The following SLC9A9 variants were observed in gnomAD, a reference collection of about 807,000 sequenced individuals.
The protein encoded by SLC9A9 is solute carrier family 9 member A9.
SLC9A9 carries 62 observed loss-of-function variants against 77.8 expected under a neutral mutation model. The observed-to-expected ratio is 0.80, with a 90% CI of 0.65 to 0.98. The LOEUF is 0.98. SLC9A9 is among the 50% of genes least tolerant of loss of function. SLC9A9 has a pLI of 0.00. For synonymous variants in SLC9A9, 320 were observed against 283.5 expected, an observed-to-expected ratio of 1.13 and a Z score of -1.29; for missense variants, 775 against 774.9, an observed-to-expected ratio of 1.00 and a Z score of 0.00.
At chr3:143,606,318 T>C in intron 6 of SLC9A9, among the ~76,000 whole-genome samples, 1 of 150,898 alleles carries the variant, frequency 6.6e-6, no homozygotes, top group East Asian at 2.0e-4. Context: ...GGCAGGAGAA[T>C]TGCTGGAACC....
chr3:143,646,379 T>C (rs1481891376), intron 6 of SLC9A9, among the ~76,000 whole-genome samples: 1 of 148,314 alleles, frequency 6.7e-6, no homozygotes, highest in Non-Finnish European at 1.5e-5. Flanking sequence ...TTTAGGTGCA[T>C]TTGCACATAT....
chr3:143,406,085 T>A (rs4839593), intron 12 of SLC9A9, among the ~76,000 whole-genome samples: 129,380 of 152,216 alleles, frequency 0.85, 55,257 homozygotes, highest in African/African-American at 0.92. Flanking sequence ...CTATGAAATC[T>A]TGTTGATATG....
intron 14 of SLC9A9, among the ~76,000 whole-genome samples, chr3:143,287,440 C>G (rs1236858292): frequency 1.3e-5 from 2 of 152,128 alleles, no homozygotes; most frequent in Non-Finnish European, 2.9e-5. Flanking sequence ...TCTTTATACT[C>G]TGGAAGTCTC....
intron 4 of SLC9A9, among the ~76,000 whole-genome samples, chr3:143,710,057 T>C (rs1256799064): frequency 6.6e-6 from 1 of 152,210 alleles, no homozygotes; most frequent in Admixed American, 6.5e-5. Flanking sequence ...CCAGCAGAAA[T>C]TGCATATTCA....
chr3:143,537,298 T>G (rs1292379835), intron 9 of SLC9A9, among the ~76,000 whole-genome samples: 1 of 152,202 alleles, frequency 6.6e-6, no homozygotes, highest in African/African-American at 2.4e-5. Flanking sequence ...AATTCTAACA[T>G]GCACCCAGGA....
At chr3:143,749,466 C>T (rs143182673) in intron 4 of SLC9A9, among the ~76,000 whole-genome samples, 432 of 152,322 alleles carry the variant, frequency 2.8e-3, no homozygotes, top group African/African-American at 1.0e-2. Flanking sequence ...GAAATTCCCT[C>T]GCTCCCACTC....
At chr3:143,511,467 T>G (rs1390958967) in intron 9 of SLC9A9, among the ~76,000 whole-genome samples, 1 of 152,218 alleles carries the variant, frequency 6.6e-6, no homozygotes, top group African/African-American at 2.4e-5. Flanking sequence ...GATTTTTGTA[T>G]TCTTTTTTGA....
At chr3:143,434,650 C>G (rs9846333) in intron 12 of SLC9A9, among the ~76,000 whole-genome samples, 29,982 of 152,090 alleles carry the variant, frequency 0.2, 3,514 homozygotes, top group East Asian at 0.37. Context: ...CCCATCCCCC[C>G]CATCTCACAG....
chr3:143,517,086 T>G, intron 9 of SLC9A9: 1 of 1,307,314 alleles, frequency 7.6e-7, no homozygotes, highest in South Asian at 1.3e-5. Context: ...TTTTTTTTTT[T>G]CCTTCAGCAA....
At chr3:143,498,812 T>A (rs1401552901) in intron 9 of SLC9A9, among the ~76,000 whole-genome samples, 2 of 152,162 alleles carry the variant, frequency 1.3e-5, no homozygotes, top group African/African-American at 4.8e-5. Context: ...TGAATGGAAT[T>A]GGACAATACA....
intron 8 of SLC9A9, among the ~76,000 whole-genome samples, chr3:143,566,947 C>A (rs1030639218): frequency 6.6e-6 from 1 of 152,144 alleles, no homozygotes; most frequent in Admixed American, 6.6e-5. Flanking sequence ...AACTGGAAAG[C>A]AGCTTCTATG....
chr3:143,340,188 T>C (rs1397222839), intron 14 of SLC9A9, among the ~76,000 whole-genome samples: 2 of 152,164 alleles, frequency 1.3e-5, no homozygotes, highest in Non-Finnish European at 2.9e-5. Context: ...ACTGGCCTAA[T>C]ACAGTCTTAG....
intron 12 of SLC9A9, among the ~76,000 whole-genome samples, chr3:143,391,889 G>T (rs1230126849): frequency 6.6e-6 from 1 of 152,132 alleles, no homozygotes; most frequent in Non-Finnish European, 1.5e-5. Flanking sequence ...AGCAAGAAGA[G>T]AAGTTTAGAG....
chr3:143,393,021 T>C (rs1483047518), intron 12 of SLC9A9, among the ~76,000 whole-genome samples: 2 of 152,204 alleles, frequency 1.3e-5, no homozygotes, highest in South Asian at 4.1e-4. Flanking sequence ...CCACTGTCAA[T>C]ATTAGACAGA....
At chr3:143,531,953 G>T (rs2036516291) in intron 9 of SLC9A9, among the ~76,000 whole-genome samples, 1 of 152,106 alleles carries the variant, frequency 6.6e-6, no homozygotes, top group Admixed American at 6.5e-5. Flanking sequence ...GGTTTCCAGA[G>T]GCTACATAAT....
At chr3:143,710,790 C>T (rs1934122547) in intron 4 of SLC9A9, among the ~76,000 whole-genome samples, 1 of 152,200 alleles carries the variant, frequency 6.6e-6, no homozygotes, top group South Asian at 2.1e-4. Context: ...TAATCTATCA[C>T]TCCAGAAAAT....
chr3:143,280,528 CT>C (rs1397617510), intron 14 of SLC9A9, among the ~76,000 whole-genome samples: 1 of 150,210 alleles, frequency 6.7e-6, no homozygotes, highest in Non-Finnish European at 1.5e-5. Flanking sequence ...CATCTGGCCT[CT>C]ACCTAGAACT....
intron 14 of SLC9A9, among the ~76,000 whole-genome samples, chr3:143,307,553 C>A (rs558542799): frequency 2.4e-4 from 37 of 152,316 alleles, no homozygotes; most frequent in Admixed American, 1.1e-3. Flanking sequence ...CAGGCTGGGT[C>A]TTTGCCTCTG....
chr3:143,453,593 T>C (rs1309784310), intron 12 of SLC9A9, among the ~76,000 whole-genome samples: 1 of 152,182 alleles, frequency 6.6e-6, no homozygotes, highest in Non-Finnish European at 1.5e-5. Context: ...ATTCTGAAAG[T>C]GCTCTCTCTA....
Sources: allele counts gnomAD v4.1 joint callset (sites outside exome capture counted in the v4.1 genomes callset), GRCh38; gene constraint gnomAD v4.1.1; transcripts MANE v1.5; gene names NCBI Gene and HGNC (gene_info 2026-07-23, HGNC 2026-07-21).